CLPX: variants seen among roughly 807,000 people sequenced by gnomAD.
CLPX encodes the protein ATP-dependent clpX-like chaperone, mitochondrial.
Under a neutral mutation model 76.4 loss-of-function variants are expected in CLPX, and 34 were observed. The ratio of observed to expected loss-of-function variants is 0.45; its 90% confidence interval spans 0.34 to 0.59. The LOEUF is 0.59. Among genes scored for constraint, CLPX ranks in the 20% least tolerant of loss-of-function variants. CLPX has a pLI of 0.01. For missense variants in CLPX, 613 were observed against 757.0 expected, an observed-to-expected ratio of 0.81 and a Z score of 2.23; for synonymous variants, 248 against 270.9, an observed-to-expected ratio of 0.92 and a Z score of 0.83.
intron 3 of CLPX, among the ~76,000 whole-genome samples, chr15:65,178,395 C>G (rs948386254): frequency 3.9e-5 from 6 of 152,080 alleles, no homozygotes; most frequent in Non-Finnish European, 2.9e-5. Context: ...TTATCTCTTA[C>G]ACAACAGTGC....
chr15:65,155,966 C>T, intron 9 of CLPX, 110 bp from the exon 10 acceptor site: 1 of 884,842 alleles, frequency 1.1e-6, no homozygotes, highest in Non-Finnish European at 1.8e-6. Context: ...AGTCAATGCA[C>T]ATACCTAATG....
rs111827475 is a variant in CLPX at position 65,163,764 on chromosome 15, G to A, written c.673+265C>T. Among the ~76,000 whole-genome samples the A allele has an allele frequency of 3.1e-3, 479 of 152,116 alleles. 2 individuals carry two copies. The highest frequency in any genetic ancestry group is 8.0e-3 in the African/African-American group (331 of 41,494). ...GGCCTCCAAACGTGCTGGGATTACC[G>A]GCATAAGCCACCATGCCAGGCCTAA... On this transcript the variant is annotated intron_variant, in intron 5 of 13. Transcript: ENST00000300107.
intron 13 of CLPX, among the ~76,000 whole-genome samples, chr15:65,152,016 G>A (rs918249981): frequency 2.0e-5 from 3 of 151,942 alleles, no homozygotes; most frequent in African/African-American, 7.3e-5. Context: ...TGCAACCTCC[G>A]CCTCCTAGGT....
intron 9 of CLPX, chr15:65,156,602 G>A: frequency 4.5e-6 from 2 of 441,032 alleles, no homozygotes; most frequent in East Asian, 3.7e-5. Context: ...AAAAAAAAAA[G>A]ATTAAATTTC....
At chr15:65,166,567 G>GA in intron 4 of CLPX, 64 bp downstream of exon 4, 1 of 1,527,404 alleles carries the variant, frequency 6.5e-7, no homozygotes, top group Middle Eastern at 1.7e-4. Context: ...GTAAACTTGG[G>GA]AGAGGGAAGC....
intron 3 of CLPX, among the ~76,000 whole-genome samples, chr15:65,171,390 T>C (rs1190289661): frequency 1.3e-5 from 2 of 150,962 alleles, no homozygotes; most frequent in African/African-American, 4.9e-5. Flanking sequence ...GAGGTTGTAG[T>C]GAGCTGGGAT....
intron 3 of CLPX, among the ~76,000 whole-genome samples, chr15:65,171,247 G>GACC (rs974151680): frequency 1.4e-4 from 22 of 152,162 alleles, no homozygotes; most frequent in African/African-American, 4.8e-4. Flanking sequence ...AGGAGTTCAA[G>GACC]ACCAGCCTAG....
At chr15:65,174,602 G>C (rs1009236086) in intron 3 of CLPX, among the ~76,000 whole-genome samples, 5 of 152,118 alleles carry the variant, frequency 3.3e-5, no homozygotes, top group African/African-American at 1.2e-4. Flanking sequence ...AAGATGAATT[G>C]CATGGTATAT....
rs142142822 is a variant in CLPX at position 65,157,765 on chromosome 15, A to G, written c.1038T>C (p.Asn346=). The change falls in exon 8 of 14, where the codon AAT becomes AAC. Residue 346 remains asparagine (N), a synonymous_variant. Coordinates refer to ENST00000300107, the MANE Select transcript of CLPX (RefSeq NM_006660.5). ...IAKLLQDANY[N]VEKAQQGIVF... ...ACATACCTTGTTGTGCTTTTTCCACATTATAATTGGCATCTTGGAGTAGTT... is the reference window on the plus strand; with the variant it reads ...ACATACCTTGTTGTGCTTTTTCCACGTTATAATTGGCATCTTGGAGTAGTT... The G allele has an allele frequency of 3.3e-4, 525 of 1,613,088 alleles. No homozygotes were observed. The highest frequency in any genetic ancestry group is 4.3e-4 in the Non-Finnish European group (506 of 1,179,732).
At chr15:65,178,567 T>C (rs2088119771) in intron 3 of CLPX, among the ~76,000 whole-genome samples, 1 of 151,998 alleles carries the variant, frequency 6.6e-6, no homozygotes, top group Non-Finnish European at 1.5e-5. Context: ...AATTTATATA[T>C]ATATATTTCT....
intron 6 of CLPX, among the ~76,000 whole-genome samples, chr15:65,159,807 TTTTC>T (rs899423491): frequency 6.6e-6 from 1 of 151,272 alleles, no homozygotes; most frequent in African/African-American, 2.4e-5. Context: ...TTACATTTTC[TTTTC>T]TTTTTTTTTT....
rs1595936881 is a variant in CLPX, at chr15:65,155,899, C to T, written c.1147-43G>A. 2.0e-6 allele frequency: 3 copies of T among 1,501,386 alleles called. No individual in the cohort carries two copies. The African/African-American group carries it at 4.2e-5, about 21-fold the overall frequency. The allele number at this position is 1,501,386 out of a possible 1,614,324, so 93.0% of individuals were successfully genotyped here. ...GATTTATAGCATCACCATATAAGCA[C>T]ATTATTTATTATACTTTAGACAATA... On this transcript the variant is annotated intron_variant, in intron 9 of 13. Coordinates refer to ENST00000300107, the MANE Select transcript of CLPX (RefSeq NM_006660.5).
rs149450217 is a variant in CLPX, at chr15:65,153,497, C to T, written c.1704+50G>A. Reference sequence around the variant, plus strand: ...GAAAAACAGGGAAGCTTAATATACTCAAAACTCAGACCAAGAAATAATTGT... The same window carrying T: ...GAAAAACAGGGAAGCTTAATATACTTAAAACTCAGACCAAGAAATAATTGT... On this transcript the variant is annotated intron_variant, in intron 12 of 13. Coordinates refer to ENST00000300107, the MANE Select transcript of CLPX (RefSeq NM_006660.5). 4,299 of 1,172,070 alleles carry T rather than the reference C, an allele frequency of 3.7e-3. 20 individuals carry two copies. Among genetic ancestry groups the T allele is most frequent in the Admixed American group, 7.8e-3 (378 of 48,276 alleles). 72.6% of individuals were successfully genotyped at this position (1,172,070 alleles called of 1,614,324 possible). A position where few individuals can be genotyped will look rare whatever the true frequency, so the allele number is the denominator to read the frequency against.
At chr15:65,183,637 T>C (rs2140656423) in intron 1 of CLPX, among the ~76,000 whole-genome samples, 1 of 152,022 alleles carries the variant, frequency 6.6e-6, no homozygotes, top group African/African-American at 2.4e-5. Context: ...AAAAAATAAC[T>C]GCCTATCTCC....
intron 12 of CLPX, 110 bp from the exon 13 acceptor site, chr15:65,152,646 AAAACAAATATATATATATATAT>A (rs1457954341): frequency 3.5e-6 from 1 of 287,408 alleles, no homozygotes; most frequent in Non-Finnish European, 6.1e-6. Flanking sequence ...AGAAACAAAC[AAAACAAATATATATATATATAT>A]AAACATATAT....
intron 8 of CLPX, 71 bp downstream of exon 8, chr15:65,157,675 A>G (rs986809803): frequency 2.2e-6 from 3 of 1,356,116 alleles, no homozygotes; most frequent in African/African-American, 3.0e-5. Context: ...AACAAGAATT[A>G]TATTGTCTCT....
intron 12 of CLPX, among the ~76,000 whole-genome samples, chr15:65,153,282 T>A (rs1019592928): frequency 6.6e-6 from 1 of 151,956 alleles, no homozygotes; most frequent in African/African-American, 2.4e-5. Context: ...AAACCCCATC[T>A]CCACTAAAAA....
chr15:65,155,205 C>T, intron 10 of CLPX, 124 bp from the exon 11 acceptor site: 1 of 911,078 alleles, frequency 1.1e-6, no homozygotes, highest in South Asian at 1.8e-5. Flanking sequence ...TTATCATTTA[C>T]ATTTTACAAA....
chr15:65,165,135 C>T (rs1005430937), intron 4 of CLPX, among the ~76,000 whole-genome samples: 10 of 151,832 alleles, frequency 6.6e-5, no homozygotes, highest in Non-Finnish European at 1.2e-4. Flanking sequence ...CCAGGAGGTG[C>T]AGACCAGCCT....
Sources: allele counts gnomAD v4.1 joint callset (sites outside exome capture counted in the v4.1 genomes callset), GRCh38; gene constraint gnomAD v4.1.1; transcripts MANE v1.5; gene names NCBI Gene and HGNC (gene_info 2026-07-23, HGNC 2026-07-21).